The following SCGB2B2 variants were observed in gnomAD, a reference collection of about 807,000 sequenced individuals.
SCGB2B2 encodes secretoglobin family 2B member 2.
A neutral mutation model predicts 7.6 loss-of-function variants in SCGB2B2; 11 were observed. The ratio of observed to expected loss-of-function variants is 1.45; its 90% CI spans 0.91 to 2.40. The LOEUF (loss-of-function observed/expected upper bound fraction) is 2.40, where lower values mean the gene tolerates loss of function less well. Among genes scored for constraint, SCGB2B2 ranks in the 30% most tolerant of loss-of-function variants. The pLI is 0.00. For synonymous variants in SCGB2B2, 50 were observed against 48.6 expected (o/e 1.03, Z -0.12); for missense variants, 104 against 115.4 (o/e 0.90, Z 0.45).
At chr19:34,622,538 C>T (rs534626837) in intron 1 of SCGB2B2, among the ~76,000 whole-genome samples, 3 of 152,296 alleles carry the variant, frequency 2.0e-5, no homozygotes, top group South Asian at 4.1e-4. Flanking sequence ...TTACCTAGTG[C>T]TCTTGTTCCT....
At chr19:34,626,603 C>A (rs1049820190) in intron 1 of SCGB2B2, among the ~76,000 whole-genome samples, 2 of 152,058 alleles carry the variant, frequency 1.3e-5, no homozygotes, top group African/African-American at 4.8e-5. Flanking sequence ...AAATATGGGA[C>A]CATGTGAAAA....
At chr19:34,636,838 T>TCC (rs1228629723) in intron 1 of SCGB2B2, among the ~76,000 whole-genome samples, 5 of 151,846 alleles carry the variant, frequency 3.3e-5, no homozygotes, top group Non-Finnish European at 7.4e-5. Flanking sequence ...CCAGAGCCAG[T>TCC]CCCCGCCAGA....
intron 1 of SCGB2B2, chr19:34,645,830 AG>A (rs1276110675): frequency 8.6e-6 from 2 of 233,610 alleles, no homozygotes; most frequent in African/African-American, 4.7e-5. Context: ...TTGCCAGGGG[AG>A]GTTTCAGTGA....
chr19:34,653,720 C>G (rs915276073), intron 1 of SCGB2B2, among the ~76,000 whole-genome samples: 1 of 151,164 alleles, frequency 6.6e-6, no homozygotes, highest in Non-Finnish European at 1.5e-5. Context: ...ATAAAAACCA[C>G]AGGATCACCT....
At chr19:34,597,245 A>T (rs1239892663) in intron 1 of SCGB2B2, among the ~76,000 whole-genome samples, 2 of 152,066 alleles carry the variant, frequency 1.3e-5, no homozygotes, top group African/African-American at 4.8e-5. Context: ...ACTGCAGGTT[A>T]CAGGACTGCC....
At chr19:34,632,592 C>T (rs2145956230) in intron 1 of SCGB2B2, 1 of 152,284 alleles carries the variant, frequency 6.6e-6, no homozygotes, top group Non-Finnish European at 1.5e-5. Context: ...TAAACACTGA[C>T]CATACCAAGT....
chr19:34,672,899 T>C (rs2067836690), intron 1 of SCGB2B2, among the ~76,000 whole-genome samples: 1 of 151,586 alleles, frequency 6.6e-6, no homozygotes, highest in South Asian at 2.1e-4. Context: ...CCTCATAACT[T>C]AACATTTCCT....
intron 1 of SCGB2B2, among the ~76,000 whole-genome samples, chr19:34,620,541 T>A (rs2066213315): frequency 6.8e-6 from 1 of 148,002 alleles, no homozygotes; most frequent in East Asian, 2.1e-4. Context: ...GGGGAGGGAT[T>A]GCATTAGGAG....
intron 1 of SCGB2B2, among the ~76,000 whole-genome samples, chr19:34,614,290 T>TC (rs898083187): frequency 7.2e-5 from 11 of 152,142 alleles, no homozygotes; most frequent in African/African-American, 1.7e-4. Context: ...ACTTTTTTTT[T>TC]CACTGTTTTT....
intron 1 of SCGB2B2, among the ~76,000 whole-genome samples, chr19:34,610,618 T>C (rs2065900321): frequency 1.3e-5 from 2 of 152,182 alleles, no homozygotes; most frequent in Non-Finnish European, 2.9e-5. Context: ...CAAGTATTGA[T>C]TTGTATATTT....
chr19:34,605,639 G>A (rs9677018), intron 1 of SCGB2B2, among the ~76,000 whole-genome samples: 47,936 of 152,094 alleles, frequency 0.32, 8,404 homozygotes, highest in Middle Eastern at 0.47. Context: ...CCAGGCTGGA[G>A]TGCAATGGTG....
chr19:34,630,458 T>C (rs969070398), intron 1 of SCGB2B2, among the ~76,000 whole-genome samples: 7 of 151,918 alleles, frequency 4.6e-5, no homozygotes, highest in Non-Finnish European at 8.8e-5. Flanking sequence ...GCGAAGGATA[T>C]GAACAGACAC....
intron 1 of SCGB2B2, among the ~76,000 whole-genome samples, chr19:34,623,118 G>A (rs1308964939): frequency 1.3e-5 from 2 of 152,008 alleles, no homozygotes; most frequent in Admixed American, 1.3e-4. Context: ...CCCTTCCCTG[G>A]CACTGTATGA....
chr19:34,628,332 A>C (rs2066434796), intron 1 of SCGB2B2, among the ~76,000 whole-genome samples: 1 of 152,110 alleles, frequency 6.6e-6, no homozygotes, highest in African/African-American at 2.4e-5. Flanking sequence ...TGAATCCAGG[A>C]ACTGTTTTTT....
chr19:34,639,052 T>C (rs763164183), intron 1 of SCGB2B2, among the ~76,000 whole-genome samples: 1 of 152,214 alleles, frequency 6.6e-6, no homozygotes, highest in South Asian at 2.1e-4. Flanking sequence ...ACCTCCATCC[T>C]GAAAGCCGTA....
intron 1 of SCGB2B2, among the ~76,000 whole-genome samples, chr19:34,670,821 C>T (rs937193881): frequency 1.3e-5 from 2 of 152,186 alleles, no homozygotes; most frequent in Non-Finnish European, 2.9e-5. Context: ...TAAAAATTCT[C>T]TCATGTTACT....
chr19:34,589,399 T>G (rs1378394960), downstream of SCGB2B2, among the ~76,000 whole-genome samples: 1 of 152,050 alleles, frequency 6.6e-6, no homozygotes, highest in African/African-American at 2.4e-5. Context: ...GAGGTTTTGC[T>G]CAGGAGTCCT....
At position 34,593,347 on chromosome 19, in the gene SCGB2B2, T is replaced by A; in HGVS notation, c.*208A>T. ...GCATGTCTATGCTACACCTGTAGAGTTTTTCCTCAGTCGCATATTTTCACA... is the reference window on the plus strand; with the variant it reads ...GCATGTCTATGCTACACCTGTAGAGATTTTCCTCAGTCGCATATTTTCACA... On this transcript the variant is annotated 3_prime_UTR_variant, in exon 4 of 4. Coordinates refer to ENST00000601241, the MANE Select transcript of SCGB2B2 (RefSeq NM_001025591.4). 1 of 519,654 alleles carries A rather than the reference T, an allele frequency of 1.9e-6. No individual in the cohort carries two copies. The highest frequency in any genetic ancestry group is 3.4e-6 in the Non-Finnish European group (1 of 289,996). 32.2% of individuals were successfully genotyped at this position (519,654 alleles called of 1,614,324 possible).
intron 1 of SCGB2B2, among the ~76,000 whole-genome samples, chr19:34,613,547 T>C (rs906578890): frequency 2.6e-5 from 4 of 152,240 alleles, no homozygotes; most frequent in African/African-American, 9.6e-5. Context: ...CTCAGAGTTA[T>C]TGATAAGTGA....
Sources: gnomAD v4.1 joint callset for allele counts (sites outside exome capture counted in the v4.1 genomes callset) on GRCh38, gnomAD v4.1.1 for gene constraint, MANE v1.5 for transcripts, NCBI Gene and HGNC (gene_info 2026-07-23, HGNC 2026-07-21) for gene names.